Variants in ANKRD13C observed in about 807,000 individuals in gnomAD.
The protein encoded by ANKRD13C is ankyrin repeat domain-containing protein 13C.
In ANKRD13C, 16 loss-of-function variants were observed where a neutral mutation model predicts 65.5. The ratio of observed to expected loss-of-function variants is 0.24; its 90% CI spans 0.17 to 0.37. The LOEUF (loss-of-function observed/expected upper bound fraction) is 0.37. ANKRD13C is among the 10% of genes least tolerant of loss of function. ANKRD13C has a pLI of 1.00. For missense variants in ANKRD13C, 503 were observed against 655.9 expected, an observed-to-expected ratio of 0.77 and a Z score of 2.55; for synonymous variants, 235 against 238.7, an observed-to-expected ratio of 0.98 and a Z score of 0.14.
intron 3 of ANKRD13C, among the ~76,000 whole-genome samples, chr1:70,317,458 C>CT (rs920045474): frequency 2.4e-4 from 36 of 151,900 alleles, no homozygotes; most frequent in Non-Finnish European, 2.8e-4. Flanking sequence ...TTTCAAATAT[C>CT]TTTTTTTTAA....
At chr1:70,290,407 T>G (rs1679811165) in intron 9 of ANKRD13C, among the ~76,000 whole-genome samples, 1 of 152,216 alleles carries the variant, frequency 6.6e-6, no homozygotes, top group African/African-American at 2.4e-5. Flanking sequence ...TTTTTATAAC[T>G]GTGACTCACA....
chr1:70,325,079 T>A, intron 2 of ANKRD13C, 122 bp from the exon 3 acceptor site: 1 of 597,848 alleles, frequency 1.7e-6, no homozygotes, highest in Non-Finnish European at 2.6e-6. Flanking sequence ...TTGTACCATG[T>A]AGAATTATGT....
intron 5 of ANKRD13C, among the ~76,000 whole-genome samples, chr1:70,310,200 T>C (rs1227878122): frequency 6.6e-6 from 1 of 152,218 alleles, no homozygotes; most frequent in Non-Finnish European, 1.5e-5. Context: ...AAAAAGAGTG[T>C]GCTCTACTAT....
intron 3 of ANKRD13C, among the ~76,000 whole-genome samples, chr1:70,321,266 A>G (rs942917436): frequency 6.6e-6 from 1 of 152,212 alleles, no homozygotes; most frequent in Non-Finnish European, 1.5e-5. Flanking sequence ...ATTAATTAGA[A>G]GTATGCAACA....
chr1:70,335,614 GACT>G (rs1681988961), intron 2 of ANKRD13C, among the ~76,000 whole-genome samples: 1 of 150,996 alleles, frequency 6.6e-6, no homozygotes, highest in Admixed American at 6.6e-5. Flanking sequence ...ATTAAATAAT[GACT>G]ACTTTAATAA....
intron 8 of ANKRD13C, among the ~76,000 whole-genome samples, chr1:70,294,079 C>T (rs1317446727): frequency 6.6e-6 from 1 of 152,024 alleles, no homozygotes; most frequent in Non-Finnish European, 1.5e-5. Context: ...AGTGAACTAG[C>T]ACTACATGTA....
chr1:70,280,081 G>A (rs1308073623), intron 9 of ANKRD13C, among the ~76,000 whole-genome samples: 1 of 152,168 alleles, frequency 6.6e-6, no homozygotes, highest in Non-Finnish European at 1.5e-5. Flanking sequence ...AGTAGCAGCC[G>A]AGGGATGTGG....
chr1:70,290,809 T>C (rs1404451705), intron 9 of ANKRD13C, among the ~76,000 whole-genome samples: 1 of 152,022 alleles, frequency 6.6e-6, no homozygotes, highest in East Asian at 1.9e-4. Flanking sequence ...CCTCCCACCT[T>C]GGCCTCCCAA....
At chr1:70,301,937 T>A (rs1475150381) in intron 6 of ANKRD13C, among the ~76,000 whole-genome samples, 1 of 152,108 alleles carries the variant, frequency 6.6e-6, no homozygotes, top group Non-Finnish European at 1.5e-5. Context: ...AGGATGCTGA[T>A]CACATCCCCA....
intron 2 of ANKRD13C, among the ~76,000 whole-genome samples, chr1:70,326,156 G>A (rs1013183690): frequency 1.2e-4 from 17 of 144,044 alleles, no homozygotes; most frequent in Non-Finnish European, 2.4e-4. Context: ...GCTTGAACCC[G>A]GGAGGTGGAG....
intron 10 of ANKRD13C, 28 bp downstream of exon 10, chr1:70,276,737 A>ATTTGTTTATGTGTTTC: frequency 6.6e-7 from 1 of 1,515,270 alleles, no homozygotes; most frequent in South Asian, 1.2e-5. Flanking sequence ...TAAAAACCAA[A>ATTTGTTTATGTGTTTC]TAACACATAA....
intron 6 of ANKRD13C, among the ~76,000 whole-genome samples, chr1:70,303,311 CTAAATATTTT>C (rs1447076371): frequency 6.6e-6 from 1 of 152,024 alleles, no homozygotes; most frequent in Non-Finnish European, 1.5e-5. Flanking sequence ...GCCTATGAAC[CTAAATATTTT>C]TAATTTTTCC....
At chr1:70,286,362 A>G (rs1181409819) in intron 9 of ANKRD13C, among the ~76,000 whole-genome samples, 1 of 152,212 alleles carries the variant, frequency 6.6e-6, no homozygotes, top group Non-Finnish European at 1.5e-5. Flanking sequence ...AAAATTTAAA[A>G]TATAATCTTA....
At chr1:70,342,424 G>A (rs1343138180) in intron 1 of ANKRD13C, among the ~76,000 whole-genome samples, 1 of 152,154 alleles carries the variant, frequency 6.6e-6, no homozygotes, top group African/African-American at 2.4e-5. Context: ...TATAATCCCA[G>A]CTACTCAGGA....
chr1:70,262,952 A>AG, intron 12 of ANKRD13C, 105 bp from the exon 13 acceptor site: 1 of 921,832 alleles, frequency 1.1e-6, no homozygotes, highest in African/African-American at 1.7e-5. Flanking sequence ...GTAAAAAAAA[A>AG]AAAAAAAATA....
At chr1:70,321,114 GT>G (rs754252158) in intron 3 of ANKRD13C, among the ~76,000 whole-genome samples, 17 of 152,078 alleles carry the variant, frequency 1.1e-4, no homozygotes, top group Non-Finnish European at 1.0e-4. Flanking sequence ...TTTCTTTGTA[GT>G]TTTTATTCAT....
intron 3 of ANKRD13C, among the ~76,000 whole-genome samples, chr1:70,319,652 CTT>C (rs57930157): frequency 1.5e-4 from 21 of 140,128 alleles, no homozygotes; most frequent in African/African-American, 5.0e-4. Context: ...TAGCATATGC[CTT>C]TTTTTTTTTT....
intron 1 of ANKRD13C, among the ~76,000 whole-genome samples, chr1:70,343,963 C>T (rs1299315955): frequency 2.0e-5 from 3 of 152,118 alleles, no homozygotes; most frequent in Non-Finnish European, 4.4e-5. Context: ...CCAGTCCATG[C>T]AACATGGGGA....
intron 1 of ANKRD13C, among the ~76,000 whole-genome samples, chr1:70,345,468 T>TATAA (rs987599481): frequency 6.6e-6 from 1 of 152,092 alleles, no homozygotes; most frequent in African/African-American, 2.4e-5. Context: ...TCTAAAATCA[T>TATAA]ATAAATAAGT....
Sources: gnomAD v4.1 joint callset for allele counts (sites outside exome capture counted in the v4.1 genomes callset) on GRCh38, gnomAD v4.1.1 for gene constraint, MANE v1.5 for transcripts, NCBI Gene and HGNC (gene_info 2026-07-23, HGNC 2026-07-21) for gene names.